Variants in PALLD observed in about 807,000 individuals in gnomAD.
PALLD encodes the protein palladin, cytoskeletal associated protein.
A neutral mutation model predicts 123.5 loss-of-function variants in PALLD; 61 were observed. That is an observed-to-expected ratio of 0.49 (90% CI 0.40 to 0.61). The LOEUF is 0.61. Among genes scored for constraint, PALLD ranks in the 20% least tolerant of loss-of-function variants. The probability of loss-of-function intolerance (pLI) is 0.00; values close to 1 mark genes in which losing one functional copy is unlikely to be tolerated. For missense variants in PALLD, 1,273 were observed against 1,377.0 expected, an observed-to-expected ratio of 0.92 and a Z score of 1.20; for synonymous variants, 465 against 496.4, an observed-to-expected ratio of 0.94 and a Z score of 0.84.
At chr4:168,915,187 G>A (rs1759853746) in intron 16 of PALLD, among the ~76,000 whole-genome samples, 1 of 152,056 alleles carries the variant, frequency 6.6e-6, no homozygotes, top group African/African-American at 2.4e-5. Context: ...TTCCACTCTT[G>A]CTTTTCCTAG....
chr4:168,847,755 A>T (rs1268397705), intron 10 of PALLD, among the ~76,000 whole-genome samples: 1 of 152,228 alleles, frequency 6.6e-6, no homozygotes, highest in Non-Finnish European at 1.5e-5. Flanking sequence ...TAATAATCAC[A>T]TCAGGGTAAA....
chr4:168,888,087 G>A (rs1753622248), intron 10 of PALLD, among the ~76,000 whole-genome samples: 1 of 152,190 alleles, frequency 6.6e-6, no homozygotes, highest in Non-Finnish European at 1.5e-5. Context: ...TAGGAGGGGA[G>A]AGAGGTTCCA....
intron 2 of PALLD, among the ~76,000 whole-genome samples, chr4:168,622,191 G>T (rs1461758903): frequency 6.6e-6 from 1 of 152,074 alleles, no homozygotes; most frequent in Non-Finnish European, 1.5e-5. Flanking sequence ...GACAAAATCT[G>T]GTCTCCATTC....
intron 1 of PALLD, among the ~76,000 whole-genome samples, chr4:168,501,442 C>T (rs1411337211): frequency 1.3e-5 from 2 of 151,980 alleles, no homozygotes; most frequent in Admixed American, 6.6e-5. Context: ...GAGATATGCC[C>T]AGGGAGTTAA....
chr4:168,685,822 A>ATT (rs1781985950), intron 6 of PALLD, among the ~76,000 whole-genome samples: 3 of 150,952 alleles, frequency 2.0e-5, no homozygotes, highest in African/African-American at 7.3e-5. Flanking sequence ...AAAAAAAAAA[A>ATT]AAAAAAAAAA....
chr4:168,690,773 C>CTGACCATT, intron 7 of PALLD, 29 bp downstream of exon 7: 1 of 1,611,744 alleles, frequency 6.2e-7, no homozygotes, highest in Non-Finnish European at 8.5e-7. Context: ...GTCCCCAAAT[C>CTGACCATT]TGACCATTTT....
intron 10 of PALLD, among the ~76,000 whole-genome samples, chr4:168,841,587 G>A (rs995256912): frequency 5.9e-5 from 9 of 152,156 alleles, no homozygotes; most frequent in South Asian, 2.1e-4. Context: ...CCTCAGCCAC[G>A]GAGTGACAGT....
At chr4:168,756,612 G>A (rs543644410) in intron 10 of PALLD, among the ~76,000 whole-genome samples, 7 of 152,248 alleles carry the variant, frequency 4.6e-5, no homozygotes, top group African/African-American at 1.7e-4. Flanking sequence ...CATGAAAGGT[G>A]GTATTTATGG....
At chr4:168,742,513 TTGGCTAGAAGGTCAAATGCC>T (rs1205604489) in intron 10 of PALLD, among the ~76,000 whole-genome samples, 3 of 152,188 alleles carry the variant, frequency 2.0e-5, no homozygotes, top group Non-Finnish European at 4.4e-5. Flanking sequence ...AGTACTTCAT[TTGGCTAGAAGGTCAAATGCC>T]TGGTGCTTTG....
intron 15 of PALLD, among the ~76,000 whole-genome samples, chr4:168,908,725 C>G (rs1400706912): frequency 6.6e-6 from 1 of 151,782 alleles, no homozygotes; most frequent in Non-Finnish European, 1.5e-5. Context: ...AATGAAATAA[C>G]CAAGGAAAAG....
intron 10 of PALLD, chr4:168,755,982 T>C (rs538296219): frequency 1.2e-5 from 2 of 164,744 alleles, no homozygotes; most frequent in South Asian, 3.1e-4. Flanking sequence ...AGGCTCCAGA[T>C]TGACAAATGC....
intron 2 of PALLD, among the ~76,000 whole-genome samples, chr4:168,562,123 C>T (rs115164584): frequency 6.6e-5 from 10 of 151,994 alleles, no homozygotes; most frequent in South Asian, 2.1e-4. Flanking sequence ...ATGCAGACAC[C>T]GTACTTCTAA....
chr4:168,657,964 A>T (rs563417321), intron 2 of PALLD, among the ~76,000 whole-genome samples: 1 of 152,302 alleles, frequency 6.6e-6, no homozygotes, highest in South Asian at 2.1e-4. Flanking sequence ...CTGTCTCAAA[A>T]AAAGAGAGAG....
intron 8 of PALLD, among the ~76,000 whole-genome samples, chr4:168,694,702 GC>G (rs1782975338): frequency 6.6e-6 from 1 of 152,200 alleles, no homozygotes; most frequent in Non-Finnish European, 1.5e-5. Flanking sequence ...ATGGATCTGT[GC>G]AACTGAAACA....
At chr4:168,641,004 C>G (rs1337896536) in intron 2 of PALLD, among the ~76,000 whole-genome samples, 11 of 152,080 alleles carry the variant, frequency 7.2e-5, no homozygotes, top group Admixed American at 7.2e-4. Flanking sequence ...GTCAGGAGAT[C>G]GAGACCATCC....
At chr4:168,831,869 G>C in intron 10 of PALLD, 1 of 354,216 alleles carries the variant, frequency 2.8e-6, no homozygotes, top group Non-Finnish European at 4.0e-6. Flanking sequence ...GCCCCAGGAA[G>C]GGGCCTGCGA....
rs1560945393 is a variant in PALLD, at chr4:168,927,796, G to A, written c.*1616G>A. The A allele has an allele frequency of 9.2e-6, 2 of 216,674 alleles. No homozygotes were observed. The highest frequency in any genetic ancestry group is 2.3e-5 in the African/African-American group (1 of 44,322). 13.4% of individuals were successfully genotyped at this position (216,674 alleles called of 1,614,324 possible). ...GACTTGATGGTTTTAAGTCGGAACC[G>A]ATAAATTTTAAAAAGGAGAAAAAAT... On this transcript the variant is annotated 3_prime_UTR_variant, in exon 22 of 22. Transcript: ENST00000505667.
At chr4:168,525,602 A>G (rs751317143) in intron 2 of PALLD, among the ~76,000 whole-genome samples, 2 of 152,240 alleles carry the variant, frequency 1.3e-5, no homozygotes, top group Non-Finnish European at 2.9e-5. Flanking sequence ...TATTTGGGAG[A>G]AATTTTTAAT....
At chr4:168,817,963 A>T (rs1428808988) in intron 10 of PALLD, among the ~76,000 whole-genome samples, 1 of 152,242 alleles carries the variant, frequency 6.6e-6, no homozygotes, top group Admixed American at 6.5e-5. Flanking sequence ...CCTGCCCAGA[A>T]GAGTTTGGGT....
Sources: allele counts gnomAD v4.1 joint callset (sites outside exome capture counted in the v4.1 genomes callset), GRCh38; gene constraint gnomAD v4.1.1; transcripts MANE v1.5; gene names NCBI Gene and HGNC (gene_info 2026-07-23, HGNC 2026-07-21).